Variants in PAQR3 observed in about 807,000 individuals in gnomAD.
The protein encoded by PAQR3 is Raf kinase trapping to Golgi.
Under a neutral mutation model 41.7 loss-of-function variants are expected in PAQR3, and 39 were observed. The observed-to-expected ratio is 0.93, with a 90% CI of 0.72 to 1.22. The LOEUF is 1.22. Ranked by LOEUF, PAQR3 falls within the 50% of genes most tolerant of loss-of-function variation. The pLI is 0.00. For synonymous variants in PAQR3, 140 were observed against 140.6 expected (o/e 1.00, Z 0.03); for missense variants, 366 against 385.6 (o/e 0.95, Z 0.42).
At position 78,939,369 on chromosome 4, in the gene PAQR3, C is replaced by T; in HGVS notation, c.-145G>A. On this transcript the variant is annotated 5_prime_UTR_variant, in exon 1 of 6. Transcript: ENST00000512733. ...CCGCGCTGCCGCTGCTGCCCAGGGCCCGGCTCTGCGCTCACACCGGCCACT... is the reference window on the plus strand; with the variant it reads ...CCGCGCTGCCGCTGCTGCCCAGGGCTCGGCTCTGCGCTCACACCGGCCACT... The T allele has an allele frequency of 1.6e-6, 1 of 624,186 alleles. No homozygotes were observed. The highest frequency in any genetic ancestry group is 2.3e-6 in the Non-Finnish European group (1 of 436,780). The allele number at this position is 624,186 out of a possible 1,614,324, so 38.7% of individuals were successfully genotyped here. A position where few individuals can be genotyped will look rare whatever the true frequency, so the allele number is the denominator to read the frequency against.
downstream of PAQR3, chr4:78,911,131 C>G (rs199675023): frequency 1.2e-6 from 2 of 1,613,960 alleles, no homozygotes; most frequent in Non-Finnish European, 1.7e-6. Flanking sequence ...TGGCGCTGTC[C>G]CCTTCTTTGC....
downstream of PAQR3, among the ~76,000 whole-genome samples, chr4:78,908,835 A>G (rs1000625713): frequency 6.6e-6 from 1 of 152,144 alleles, no homozygotes; most frequent in Non-Finnish European, 1.5e-5. Flanking sequence ...ACAGGTATAC[A>G]GTGCATAATA....
rs78034751 is a variant in PAQR3, at chr4:78,912,238, A to T, written c.*8301T>A. The T allele has an allele frequency of 7.5e-4, 386 of 517,842 alleles. 3 individuals carry two copies. In the East Asian group the frequency reaches 0.011, roughly 14 times the overall value. 32.1% of individuals were successfully genotyped at this position (517,842 alleles called of 1,614,324 possible). On this transcript the variant is annotated 3_prime_UTR_variant, in exon 6 of 6. Coordinates refer to ENST00000512733, the MANE Select transcript of PAQR3 (RefSeq NM_001040202.2). ...TTCCTCTTCAGGAGAAAAGGGAGCT[A>T]AATTGCAAGCTCTAACTAAGGGTTT...
chr4:78,889,202 T>C (rs569645236), intron 11 of PAQR3, among the ~76,000 whole-genome samples: 30 of 120,340 alleles, frequency 2.5e-4, no homozygotes, highest in Non-Finnish European at 2.9e-4. Context: ...ACCTGGGCGA[T>C]AGAGTGAGAC....
chr4:78,934,442 G>A (rs2903600), intron 2 of PAQR3, among the ~76,000 whole-genome samples: 127,569 of 152,240 alleles, frequency 0.84, 53,506 homozygotes, highest in East Asian at 0.9. Context: ...GTTTTTTTAT[G>A]TTCTCTGAAG....
rs373027550 is a variant in PAQR3 at position 78,899,982 on chromosome 4, T to C, written c.*836+6126A>G. On this transcript the variant is annotated intron_variant and NMD_transcript_variant, in intron 11 of 12. Coordinates refer to the PAQR3 transcript ENST00000342820. The stretch of plus-strand genomic sequence containing the variant: ...TATATGATGTGAGAGTGAGTGTTGA[T>C]ATATACAGTCGATCCTTGAACAACA... 3.5e-4 allele frequency among the ~76,000 whole-genome samples: 53 copies of C among 152,316 alleles called. No homozygotes were observed. The South Asian group carries it at 0.011, about 30-fold the overall frequency.
chr4:78,887,289 G>A, exon 13 of PAQR3: 2 of 1,578,262 alleles, frequency 1.3e-6, no homozygotes, highest in Non-Finnish European at 1.7e-6. Flanking sequence ...ATTCAGGCAA[G>A]TTACACATGT....
At chr4:78,935,017 G>A (rs1305838952) in intron 2 of PAQR3, 104 bp downstream of exon 2, 17 of 985,264 alleles carry the variant, frequency 1.7e-5, no homozygotes, top group Middle Eastern at 2.2e-4. Context: ...ATGCCATTCC[G>A]GGGCTCTTTA....
At chr4:78,891,786 G>C (rs188444840) in intron 11 of PAQR3, among the ~76,000 whole-genome samples, 1 of 152,114 alleles carries the variant, frequency 6.6e-6, no homozygotes, top group Non-Finnish European at 1.5e-5. Flanking sequence ...CCCAGAGAAG[G>C]TAGCCTTAAA....
chr4:78,919,089 T>C lies in PAQR3; in HGVS notation c.*1450A>G, dbSNP rs1254920097. ...AATTTATATTCCAAAAACACTACACTGGAAAAGAAACACAACATTTTACTG... is the reference window on the plus strand; with the variant it reads ...AATTTATATTCCAAAAACACTACACCGGAAAAGAAACACAACATTTTACTG... On this transcript the variant is annotated 3_prime_UTR_variant, in exon 6 of 6. Transcript: ENST00000512733. 5.1e-6 allele frequency: 5 copies of C among 984,840 alleles called. No homozygotes were observed. The highest frequency in any genetic ancestry group is 1.7e-5 in the African/African-American group (1 of 57,172). 61.0% of individuals were successfully genotyped at this position (984,840 alleles called of 1,614,324 possible). A position where few individuals can be genotyped will look rare whatever the true frequency, so the allele number is the denominator to read the frequency against.
downstream of PAQR3, among the ~76,000 whole-genome samples, chr4:78,907,091 T>C (rs900237366): frequency 6.6e-6 from 1 of 152,204 alleles, no homozygotes; most frequent in Non-Finnish European, 1.5e-5. Flanking sequence ...AGAAACAACC[T>C]AAATATTCTA....
At chr4:78,911,323 C>T (rs1025587812), downstream of PAQR3, 4 of 1,613,914 alleles carry the variant, frequency 2.5e-6, no homozygotes, top group South Asian at 4.4e-5. Context: ...CCCTGGTTAT[C>T]CCAAAAGTGT....
chr4:78,913,551 C>T lies in PAQR3; in HGVS notation c.*6988G>A, dbSNP rs1308914162. ...ACAGAAAGGAGTAGAAACTCATCAA[C>T]TGGCACTCTCTTTGATTTTTATATT... On this transcript the variant is annotated 3_prime_UTR_variant, in exon 6 of 6. Coordinates refer to ENST00000512733, the MANE Select transcript of PAQR3 (RefSeq NM_001040202.2). 6.6e-6 allele frequency: 1 copy of T among 152,130 alleles called. No homozygotes were observed. The highest frequency in any genetic ancestry group is 6.6e-5 in the Admixed American group (1 of 15,262). The allele number at this position is 152,130 out of a possible 1,614,324, so 9.4% of individuals were successfully genotyped here.
intron 11 of PAQR3, among the ~76,000 whole-genome samples, chr4:78,888,959 C>T (rs7694563): frequency 0.07 from 10,717 of 152,202 alleles, 516 homozygotes; most frequent in East Asian, 0.22. Flanking sequence ...CGGTGGCTTG[C>T]GCCTGTAATC....
rs938632485 is a variant in PAQR3 at position 78,917,322 on chromosome 4, C to T, written c.*3217G>A. ...TGTGCAGGTTAGGTAGTATTTTGAT[C>T]TCAGATTTTATAGAGCAGGACTAGA... is the stretch of plus-strand genomic sequence containing the variant. On this transcript the variant is annotated 3_prime_UTR_variant, in exon 6 of 6. Coordinates refer to ENST00000512733, the MANE Select transcript of PAQR3 (RefSeq NM_001040202.2). 4.0e-5 allele frequency: 6 copies of T among 151,834 alleles called. No homozygotes were observed. The highest frequency in any genetic ancestry group is 1.5e-4 in the African/African-American group (6 of 41,366). 9.4% of individuals were successfully genotyped at this position (151,834 alleles called of 1,614,324 possible).
chr4:78,920,698 A>T lies in PAQR3; in HGVS notation c.794-17T>A, dbSNP rs940424809. The T allele has an allele frequency of 6.3e-7, 1 of 1,593,896 alleles. No individual in the cohort carries two copies. Among genetic ancestry groups the T allele is most frequent in the African/African-American group, 1.4e-5 (1 of 73,954 alleles). On this transcript the variant is annotated splice_polypyrimidine_tract_variant and intron_variant, in intron 5 of 5. Transcript: ENST00000512733. ...TTAGTTGTCCTGGAAAGAAGGTAGAAAGAAAATGATAATGATTTCAATATG... is the reference window on the plus strand; with the variant it reads ...TTAGTTGTCCTGGAAAGAAGGTAGATAGAAAATGATAATGATTTCAATATG...
intron 1 of PAQR3, 51 bp downstream of exon 1, chr4:78,938,989 G>C: frequency 2.0e-6 from 3 of 1,486,444 alleles, no homozygotes; most frequent in Non-Finnish European, 2.8e-6. Flanking sequence ...CAGACAAAAA[G>C]GGTGTAGGTG....
intron 5 of PAQR3, chr4:78,921,542 A>AT (rs34656291): frequency 0.043 from 25,455 of 587,894 alleles, 750 homozygotes; most frequent in East Asian, 0.21. Flanking sequence ...CTACAGACCC[A>AT]TTTTTTTAAA....
intron 11 of PAQR3, among the ~76,000 whole-genome samples, chr4:78,900,539 T>A (rs1733944307): frequency 6.6e-6 from 1 of 152,200 alleles, no homozygotes; most frequent in South Asian, 2.1e-4. Flanking sequence ...TGGGAATAGC[T>A]GTAAATAGGT....
Sources: gnomAD v4.1 joint callset for allele counts (sites outside exome capture counted in the v4.1 genomes callset) on GRCh38, gnomAD v4.1.1 for gene constraint, MANE v1.5 for transcripts, NCBI Gene and HGNC (gene_info 2026-07-23, HGNC 2026-07-21) for gene names.